The following UNC80 variants were observed in gnomAD, a reference collection of about 807,000 sequenced individuals.
UNC80 encodes protein unc-80 homolog.
In UNC80, 164 loss-of-function variants were observed where a neutral mutation model predicts 384.6. The observed-to-expected ratio is 0.43, with a 90% CI of 0.38 to 0.49. The LOEUF is 0.49. Ranked by LOEUF, UNC80 falls within the 20% of genes least tolerant of loss-of-function variation. UNC80 has a pLI of 0.00. For missense variants in UNC80, 3,330 were observed against 4,143.0 expected, an observed-to-expected ratio of 0.80 and a Z score of 5.39; for synonymous variants, 1,486 against 1,527.8, an observed-to-expected ratio of 0.97 and a Z score of 0.64.
intron 51 of UNC80, among the ~76,000 whole-genome samples, chr2:209,960,607 G>A (rs1433350543): frequency 6.6e-6 from 1 of 151,118 alleles, no homozygotes; most frequent in Non-Finnish European, 1.5e-5. Flanking sequence ...ACAGTTTCCT[G>A]GTTATTGCCT....
At chr2:209,793,569 C>G in intron 6 of UNC80, 151 bp from the exon 7 acceptor site, 1 of 823,970 alleles carries the variant, frequency 1.2e-6, no homozygotes, top group Non-Finnish European at 1.7e-6. Context: ...GTCAAAATCC[C>G]TTGGCCCATA....
chr2:209,978,442 T>TA (rs369324296), intron 58 of UNC80, 87 bp from the exon 59 acceptor site: 23 of 1,214,698 alleles, frequency 1.9e-5, no homozygotes, highest in Middle Eastern at 2.0e-4. Context: ...TAACCTTTCC[T>TA]AAAAAATACA....
At chr2:209,813,484 T>G in intron 7 of UNC80, 96 bp from the exon 8 acceptor site, 1 of 1,315,988 alleles carries the variant, frequency 7.6e-7, no homozygotes, top group Non-Finnish European at 1.0e-6. Flanking sequence ...AATGAATAAC[T>G]AAACAAATGA....
intron 44 of UNC80, among the ~76,000 whole-genome samples, chr2:209,942,867 C>CACAT (rs2091717959): frequency 6.8e-6 from 1 of 147,776 alleles, no homozygotes; most frequent in African/African-American, 2.7e-5. Context: ...CACACACACA[C>CACAT]ACACACACAC....
At position 209,929,980 on chromosome 2, in the gene UNC80, C is replaced by T; in HGVS notation, c.5907+9C>T. The T allele has an allele frequency of 6.6e-7, 1 of 1,520,380 alleles. No homozygotes were observed. Among genetic ancestry groups the T allele is most frequent in the Non-Finnish European group, 8.8e-7 (1 of 1,133,976 alleles). 94.2% of individuals were successfully genotyped at this position (1,520,380 alleles called of 1,614,324 possible). On this transcript the variant is annotated intron_variant, in intron 37 of 64. Transcript: ENST00000673920. ...CCATCAGCAATAGACAAGTAAATTC[C>T]TCTTCCTTTTTAGTGTAGCTCTGTG...
chr2:209,957,786 C>G (rs761043003), intron 49 of UNC80, 50 bp downstream of exon 49: 2 of 1,508,078 alleles, frequency 1.3e-6, no homozygotes, highest in Non-Finnish European at 9.0e-7. Context: ...TCATACAACC[C>G]GAATGTCAGC....
rs570407759 is a variant in UNC80 at position 209,823,532 on chromosome 2, A to G, written c.2332-2375A>G. Among the ~76,000 whole-genome samples, 7 of 152,200 alleles carry G rather than the reference A, an allele frequency of 4.6e-5. No individual in the cohort carries two copies. The South Asian group carries it at 1.2e-3, about 27-fold the overall frequency. ...TGCTTTCGGAACCACTCACCAAAGGATTACTACCATTCAGAGGGTTCATCT... is the reference window on the plus strand; with the variant it reads ...TGCTTTCGGAACCACTCACCAAAGGGTTACTACCATTCAGAGGGTTCATCT... On this transcript the variant is annotated intron_variant, in intron 13 of 64. Transcript: ENST00000673920.
At chr2:209,786,271 CT>C in intron 5 of UNC80, 82 bp downstream of exon 5, 1 of 1,479,438 alleles carries the variant, frequency 6.8e-7, no homozygotes, top group South Asian at 1.4e-5. Flanking sequence ...TAATTTGCCC[CT>C]AAGAAGTCAA....
At chr2:209,793,609 C>A in intron 6 of UNC80, 111 bp from the exon 7 acceptor site, 1 of 1,301,856 alleles carries the variant, frequency 7.7e-7, no homozygotes, top group Non-Finnish European at 1.0e-6. Context: ...TGAAAAAAAG[C>A]CCATATATGG....
intron 29 of UNC80, among the ~76,000 whole-genome samples, chr2:209,908,723 C>T (rs964013048): frequency 1.3e-5 from 2 of 152,122 alleles, no homozygotes; most frequent in African/African-American, 4.8e-5. Flanking sequence ...CAACATTTTT[C>T]CTAAAGCTAT....
rs1008903206 is a variant in UNC80, at chr2:209,934,040, A to T, written c.6178+35A>T. 2.0e-5 allele frequency: 29 copies of T among 1,449,326 alleles called. No individual in the cohort carries two copies. The African/African-American group carries it at 3.9e-4, about 19-fold the overall frequency. The allele number at this position is 1,449,326 out of a possible 1,614,324, so 89.8% of individuals were successfully genotyped here. ...TACTACTTTTTAGTAACATAACTTT[A>T]AAAAAAAATTATAAATAGCCCTTTG... is the stretch of plus-strand genomic sequence containing the variant. On this transcript the variant is annotated intron_variant, in intron 39 of 64. Coordinates refer to ENST00000673920, the MANE Select transcript of UNC80 (RefSeq NM_001371986.1).
chr2:209,844,459 C>T (rs1210002614), intron 21 of UNC80, among the ~76,000 whole-genome samples: 1 of 44,458 alleles, frequency 2.2e-5, no homozygotes, highest in African/African-American at 5.4e-5. Context: ...TCTTTTCTTT[C>T]TTTCTTTCTT....
intron 7 of UNC80, chr2:209,809,319 G>C (rs2079160934): frequency 9.1e-6 from 7 of 770,982 alleles, no homozygotes; most frequent in Non-Finnish European, 1.4e-5. Context: ...GCCACACGCT[G>C]CCCTTCGCCT....
At position 209,921,592 on chromosome 2, in the gene UNC80, T is replaced by C. The variant is rs1322386166; in HGVS notation, c.5436T>C (p.Leu1812=). The C allele has an allele frequency of 1.3e-6, 2 of 1,551,522 alleles. No homozygotes were observed. Among genetic ancestry groups the C allele is most frequent in the Non-Finnish European group, 1.7e-6 (2 of 1,146,988 alleles). ...NLQQEEEKKR[L]GREASLITAI... ...AGCAGGAGGAAGAAAAGAAACGACTTGGTAGAGAAGCCAGCCTCATCACTG... is the reference window on the plus strand; with the variant it reads ...AGCAGGAGGAAGAAAAGAAACGACTCGGTAGAGAAGCCAGCCTCATCACTG... The change falls in exon 34 of 65, where the codon CTT becomes CTC. Residue 1812 remains leucine, a synonymous_variant. Coordinates refer to ENST00000673920, the MANE Select transcript of UNC80 (RefSeq NM_001371986.1).
intron 25 of UNC80, among the ~76,000 whole-genome samples, chr2:209,885,710 A>C (rs1487520688): frequency 6.6e-6 from 1 of 152,118 alleles, no homozygotes; most frequent in East Asian, 1.9e-4. Flanking sequence ...TTCTGTTCTT[A>C]AGCCAAAAGG....
chr2:209,834,024 A>T lies in UNC80; in HGVS notation c.2798A>T (p.Gln933Leu). ...CAGGGACTGTATTGTGACATTCGTCAGCTGGTCCAGTTTATCAAAGAGGCT... is the reference window on the plus strand; with the variant it reads ...CAGGGACTGTATTGTGACATTCGTCTGCTGGTCCAGTTTATCAAAGAGGCT... ...ENLGLYCDIR[Q>L]LVQFIKEAHG... Residue 933 changes from glutamine to leucine, a missense_variant, in exon 17 of 65, where the codon CAG becomes CTG. This residue lies in a region of UNC80 where 937 missense variants were observed against 1,026.8 expected (regional missense o/e 0.91). Coordinates refer to ENST00000673920, the MANE Select transcript of UNC80 (RefSeq NM_001371986.1). The T allele has an allele frequency of 6.4e-7, 1 of 1,551,728 alleles. No homozygotes were observed. The highest frequency in any genetic ancestry group is 8.7e-7 in the Non-Finnish European group (1 of 1,146,972).
At position 209,943,434 on chromosome 2, in the gene UNC80, T is replaced by C. The variant is rs1464184610; in HGVS notation, c.6970T>C (p.Cys2324Arg). Residue 2324 changes from cysteine to arginine, a missense_variant, in exon 45 of 65, where the codon TGT (cysteine) becomes CGT (arginine). By Grantham distance (180) the Cys-to-Arg change is radical (BLOSUM62 -3). Coordinates refer to ENST00000673920, the MANE Select transcript of UNC80 (RefSeq NM_001371986.1). ...PQLRQAIEFACHQFYILHRKP... is the reference protein window; with the variant it reads ...PQLRQAIEFARHQFYILHRKP... ...GCTGCGTCAAGCCATCGAATTTGCC[T>C]GTCACCAGTTCTATATTCTACACCG... 6.4e-7 allele frequency: 1 copy of C among 1,552,086 alleles called. No individual in the cohort carries two copies. The highest frequency in any genetic ancestry group is 2.0e-5 in the Admixed American group (1 of 50,990).
At chr2:209,808,732 A>C (rs1217692563) in intron 7 of UNC80, 3 of 56,166 alleles carry the variant, frequency 5.3e-5, no homozygotes, top group South Asian at 2.6e-4. Flanking sequence ...TCATTGCTCC[A>C]AGGCTCGGCC....
At chr2:209,938,977 CAG>C (rs1453619963) in intron 42 of UNC80, among the ~76,000 whole-genome samples, 1 of 152,120 alleles carries the variant, frequency 6.6e-6, no homozygotes, top group Non-Finnish European at 1.5e-5. Flanking sequence ...CCTCTAAACT[CAG>C]AGCACCAATC....
Sources: gnomAD v4.1 joint callset for allele counts (sites outside exome capture counted in the v4.1 genomes callset) on GRCh38, gnomAD v4.1.1 for gene constraint, gnomAD v4.1.1 regional missense constraint, MANE v1.5 for transcripts, NCBI Gene and HGNC (gene_info 2026-07-23, HGNC 2026-07-21) for gene names.